The following TBC1D22A variants were observed in gnomAD, a reference collection of about 807,000 sequenced individuals.
TBC1D22A encodes the protein TBC1 domain family member 22A.
Under a neutral mutation model 60.2 loss-of-function variants are expected in TBC1D22A, and 38 were observed. The observed-to-expected ratio is 0.63, with a 90% CI of 0.49 to 0.83. The LOEUF (loss-of-function observed/expected upper bound fraction) is 0.83. Among genes scored for constraint, TBC1D22A ranks in the 40% least tolerant of loss-of-function variants. TBC1D22A has a pLI of 0.00. For missense variants in TBC1D22A, 628 were observed against 701.0 expected (o/e 0.90, Z 1.18); for synonymous variants, 302 against 281.7 (o/e 1.07, Z -0.72).
At chr22:47,147,696 G>A (rs1284698721) in intron 12 of TBC1D22A, among the ~76,000 whole-genome samples, 1 of 152,276 alleles carries the variant, frequency 6.6e-6, no homozygotes, top group Non-Finnish European at 1.5e-5. Flanking sequence ...CGGGCTGGGA[G>A]TGAGCCCCGC....
chr22:47,091,025 A>G (rs1290126591), intron 11 of TBC1D22A, among the ~76,000 whole-genome samples: 15 of 92,290 alleles, frequency 1.6e-4, no homozygotes, highest in South Asian at 4.2e-4. Context: ...TGATAGAGAC[A>G]GGCATGAGAA....
At position 47,151,259 on chromosome 22, in the gene TBC1D22A, C is replaced by T. The variant is rs567685727; in HGVS notation, c.1426-22239C>T. Among the ~76,000 whole-genome samples, 45 of 152,276 alleles carry T rather than the reference C, an allele frequency of 3.0e-4. 1 individual carries two copies. The highest frequency in any genetic ancestry group is 2.5e-3 in the Admixed American group (38 of 15,300). On this transcript the variant is annotated intron_variant, in intron 12 of 12. Transcript: ENST00000337137. Reference sequence around the variant, plus strand: ...TTCTGTGTGACACTCAGCGCCCACCCGTGTACTCTCCACCTTCCCGGGTGA... The same window carrying T: ...TTCTGTGTGACACTCAGCGCCCACCTGTGTACTCTCCACCTTCCCGGGTGA...
At chr22:46,929,941 G>A (rs1190464307) in intron 8 of TBC1D22A, among the ~76,000 whole-genome samples, 1 of 152,196 alleles carries the variant, frequency 6.6e-6, no homozygotes, top group African/African-American at 2.4e-5. Context: ...CCCTTTGGGA[G>A]GCAGCAGTAG....
intron 1 of TBC1D22A, among the ~76,000 whole-genome samples, chr22:46,765,592 A>G (rs987540237): frequency 1.3e-5 from 2 of 150,350 alleles, no homozygotes; most frequent in Admixed American, 1.3e-4. Context: ...CAGCCTCCCA[A>G]GTAGCTGGGA....
At chr22:47,102,370 C>A (rs6008037) in intron 11 of TBC1D22A, among the ~76,000 whole-genome samples, 2,350 of 152,230 alleles carry the variant, frequency 0.015, 64 homozygotes, top group African/African-American at 0.054. Flanking sequence ...CCACCCCAGG[C>A]GTGTGCCTCT....
chr22:47,134,807 C>A (rs921835324), intron 12 of TBC1D22A, among the ~76,000 whole-genome samples: 1 of 152,134 alleles, frequency 6.6e-6, no homozygotes, highest in East Asian at 1.9e-4. Context: ...CAACCGAGCA[C>A]CCCCAAATTG....
At chr22:46,997,929 G>A (rs1157136216) in intron 10 of TBC1D22A, among the ~76,000 whole-genome samples, 1 of 152,188 alleles carries the variant, frequency 6.6e-6, no homozygotes, top group Non-Finnish European at 1.5e-5. Context: ...TTGCAGGACA[G>A]TAGTGAGTGT....
At chr22:47,043,465 C>G (rs2062918577) in intron 11 of TBC1D22A, among the ~76,000 whole-genome samples, 1 of 152,156 alleles carries the variant, frequency 6.6e-6, no homozygotes, top group Non-Finnish European at 1.5e-5. Flanking sequence ...GTTGTGGGGA[C>G]TGAGCGAGTG....
intron 1 of TBC1D22A, among the ~76,000 whole-genome samples, chr22:46,769,431 C>T (rs1210762164): frequency 6.6e-6 from 1 of 152,264 alleles, no homozygotes; most frequent in Non-Finnish European, 1.5e-5. Context: ...GACGCCTGCC[C>T]TGTGAACACA....
intron 10 of TBC1D22A, among the ~76,000 whole-genome samples, chr22:47,018,469 C>T (rs1031535812): frequency 6.6e-6 from 1 of 152,178 alleles, no homozygotes; most frequent in Non-Finnish European, 1.5e-5. Flanking sequence ...TAAGCCTCCT[C>T]TTCTCTGCCT....
intron 4 of TBC1D22A, among the ~76,000 whole-genome samples, chr22:46,864,833 C>T (rs547833526): frequency 1.8e-4 from 27 of 152,296 alleles, no homozygotes; most frequent in African/African-American, 6.0e-4. Flanking sequence ...GGACAGTGCC[C>T]GGCCCATACC....
At chr22:47,157,832 T>C (rs2067786917) in intron 12 of TBC1D22A, among the ~76,000 whole-genome samples, 1 of 152,282 alleles carries the variant, frequency 6.6e-6, no homozygotes, top group Non-Finnish European at 1.5e-5. Flanking sequence ...TGGGGGCATC[T>C]ATACAAGTCA....
At chr22:46,808,812 T>C (rs2085260868) in intron 4 of TBC1D22A, among the ~76,000 whole-genome samples, 1 of 152,190 alleles carries the variant, frequency 6.6e-6, no homozygotes, top group African/African-American at 2.4e-5. Flanking sequence ...GCCAGGATGG[T>C]CTCAATCTCC....
chr22:46,983,809 A>T (rs80280447), intron 9 of TBC1D22A, among the ~76,000 whole-genome samples: 1,896 of 151,594 alleles, frequency 0.013, 39 homozygotes, highest in African/African-American at 0.042. Context: ...CAGTGGTTTC[A>T]TGGATGTGTC....
At chr22:46,904,142 T>TCTATCTGCCTGCCTAC (rs57116517) in intron 7 of TBC1D22A, among the ~76,000 whole-genome samples, 2 of 134,500 alleles carry the variant, frequency 1.5e-5, no homozygotes, top group Non-Finnish European at 3.2e-5. Flanking sequence ...TATCTATCTA[T>TCTATCTGCCTGCCTAC]CTACCTACCT....
intron 4 of TBC1D22A, among the ~76,000 whole-genome samples, chr22:46,876,611 A>G (rs1197697540): frequency 6.6e-6 from 1 of 152,134 alleles, no homozygotes; most frequent in African/African-American, 2.4e-5. Flanking sequence ...GGGGAAGAGG[A>G]GTGGGTTGCC....
At chr22:46,957,644 A>G (rs1276958090) in intron 8 of TBC1D22A, among the ~76,000 whole-genome samples, 2 of 152,266 alleles carry the variant, frequency 1.3e-5, no homozygotes, top group African/African-American at 2.4e-5. Flanking sequence ...ACTACCAGTC[A>G]GCAGATGGGT....
At chr22:46,798,241 G>A (rs985235975) in intron 4 of TBC1D22A, among the ~76,000 whole-genome samples, 6 of 152,218 alleles carry the variant, frequency 3.9e-5, no homozygotes, top group African/African-American at 1.2e-4. Context: ...GCCCTTCGAG[G>A]CTGGCCAGGT....
chr22:47,100,625 G>T (rs970555382), intron 11 of TBC1D22A, among the ~76,000 whole-genome samples: 1 of 152,162 alleles, frequency 6.6e-6, no homozygotes, highest in South Asian at 2.1e-4. Context: ...CTCTGCACAC[G>T]CTCTCTCCTT....
Sources: gnomAD v4.1 joint callset for allele counts (sites outside exome capture counted in the v4.1 genomes callset) on GRCh38, gnomAD v4.1.1 for gene constraint, MANE v1.5 for transcripts, NCBI Gene and HGNC (gene_info 2026-07-23, HGNC 2026-07-21) for gene names.